Variants in PXDNL observed in about 807,000 individuals in gnomAD.
The protein encoded by PXDNL is peroxidasin like, also known as probable oxidoreductase PXDNL.
PXDNL carries 145 observed loss-of-function variants against 150.8 expected under a neutral mutation model. That is an observed-to-expected ratio of 0.96 (90% CI 0.84 to 1.10). The LOEUF (loss-of-function observed/expected upper bound fraction) is 1.10, where lower values mean the gene tolerates loss of function less well. Among genes scored for constraint, PXDNL ranks in the 50% least tolerant of loss-of-function variants. PXDNL has a pLI of 0.00. For missense variants in PXDNL, 2,087 were observed against 1,873.9 expected, an observed-to-expected ratio of 1.11 and a Z score of -2.10; for synonymous variants, 757 against 725.7, an observed-to-expected ratio of 1.04 and a Z score of -0.69.
intron 17 of PXDNL, among the ~76,000 whole-genome samples, chr8:51,378,566 C>G (rs1347619637): frequency 2.0e-5 from 3 of 152,190 alleles, no homozygotes; most frequent in Non-Finnish European, 2.9e-5. Context: ...CTCTGGGGTA[C>G]CATTCCACTC....
chr8:51,457,250 G>T (rs2129996540), intron 9 of PXDNL, among the ~76,000 whole-genome samples: 1 of 152,308 alleles, frequency 6.6e-6, no homozygotes, highest in Non-Finnish European at 1.5e-5. Context: ...ATGCTGGATA[G>T]CTGGATGGGG....
chr8:51,372,017 G>C lies in PXDNL; in HGVS notation c.3757C>G (p.Leu1253Val), dbSNP rs769306541. 4.3e-6 allele frequency: 7 copies of C among 1,612,394 alleles called. No homozygotes were observed. The Admixed American group carries it at 1.0e-4, about 23-fold the overall frequency. ...AQLTQLKQAS[L>V]SRVLCDNGDS... ...CCATTGTCACAAAGCACCCGGCTCAGGGACGCCTGCTTCAGCTGAGTGAGT... is the reference window on the plus strand; with the variant it reads ...CCATTGTCACAAAGCACCCGGCTCACGGACGCCTGCTTCAGCTGAGTGAGT... The change falls in exon 19 of 23, where the codon CTG (leucine) becomes GTG (valine). Residue 1253 changes from leucine to valine, a missense_variant. Leu to Val is a conservative substitution (Grantham distance 32). Coordinates refer to ENST00000356297, the MANE Select transcript of PXDNL (RefSeq NM_144651.5).
At chr8:51,587,827 T>C (rs974645779) in intron 3 of PXDNL, among the ~76,000 whole-genome samples, 5 of 152,202 alleles carry the variant, frequency 3.3e-5, no homozygotes, top group African/African-American at 1.2e-4. Context: ...AACAAATATT[T>C]AATGAGTAGT....
intron 17 of PXDNL, among the ~76,000 whole-genome samples, chr8:51,398,430 C>A (rs562765743): frequency 6.6e-6 from 1 of 152,328 alleles, no homozygotes; most frequent in East Asian, 1.9e-4. Context: ...ATACACAGGG[C>A]AACTGCTGCA....
At chr8:51,374,272 A>G (rs1322185313) in intron 18 of PXDNL, among the ~76,000 whole-genome samples, 1 of 152,208 alleles carries the variant, frequency 6.6e-6, no homozygotes, top group South Asian at 2.1e-4. Context: ...GTTCTGAGTG[A>G]TACATGTCTA....
At chr8:51,432,078 A>G (rs1044205117) in intron 12 of PXDNL, among the ~76,000 whole-genome samples, 8 of 152,210 alleles carry the variant, frequency 5.3e-5, no homozygotes, top group Non-Finnish European at 1.5e-5. Context: ...TACTATCATA[A>G]TGATTTTACT....
intron 12 of PXDNL, chr8:51,436,049 G>T: frequency 1.9e-6 from 1 of 527,168 alleles, no homozygotes; most frequent in Non-Finnish European, 3.9e-6. Flanking sequence ...AATAGTCATA[G>T]CCTAGCTGAA....
intron 1 of PXDNL, among the ~76,000 whole-genome samples, chr8:51,663,218 A>G (rs1005002169): frequency 6.6e-6 from 1 of 152,134 alleles, no homozygotes. Context: ...CACTGCCTCC[A>G]TTGCCCTGCC....
intron 1 of PXDNL, among the ~76,000 whole-genome samples, chr8:51,690,790 T>C (rs1373310387): frequency 1.3e-5 from 2 of 151,590 alleles, no homozygotes; most frequent in Non-Finnish European, 3.0e-5. Flanking sequence ...CCACCCACAG[T>C]GTAAAAGTGT....
At chr8:51,660,219 A>G (rs1038613091) in intron 1 of PXDNL, among the ~76,000 whole-genome samples, 3 of 152,134 alleles carry the variant, frequency 2.0e-5, no homozygotes, top group Admixed American at 6.5e-5. Context: ...TAGTGTGCGC[A>G]GTACAGATGG....
intron 4 of PXDNL, among the ~76,000 whole-genome samples, chr8:51,503,151 T>C (rs16916413): frequency 0.015 from 2,326 of 152,160 alleles, 56 homozygotes; most frequent in African/African-American, 0.052. Context: ...AATAAATCAC[T>C]GCAATCTTAG....
intron 1 of PXDNL, among the ~76,000 whole-genome samples, chr8:51,801,590 CTCTT>C (rs533066739): frequency 3.9e-4 from 60 of 152,234 alleles, no homozygotes; most frequent in African/African-American, 1.4e-3. Context: ...TGCACTCTTT[CTCTT>C]TATTTCTCAG....
chr8:51,713,031 A>G lies in PXDNL; in HGVS notation c.165-58271T>C, dbSNP rs529201083. 8.3e-4 allele frequency among the ~76,000 whole-genome samples: 127 copies of G among 152,316 alleles called. No homozygotes were observed. The South Asian group carries it at 0.012, about 14-fold the overall frequency. ...GTGAGCTAATTTTAAGATTATTTTT[A>G]TCTTTCTCCTAAAAATGTGAGTCAA... On this transcript the variant is annotated intron_variant, in intron 1 of 22. Coordinates refer to ENST00000356297, the MANE Select transcript of PXDNL (RefSeq NM_144651.5).
chr8:51,779,306 ATGATC>A (rs1563318925), intron 1 of PXDNL, among the ~76,000 whole-genome samples: 1 of 152,220 alleles, frequency 6.6e-6, no homozygotes, highest in African/African-American at 2.4e-5. Context: ...CACACATATC[ATGATC>A]TGACGGCGAG....
At chr8:51,494,307 C>A (rs1161903727) in intron 5 of PXDNL, among the ~76,000 whole-genome samples, 3 of 152,066 alleles carry the variant, frequency 2.0e-5, no homozygotes, top group Admixed American at 6.6e-5. Context: ...GAACAACCGG[C>A]ACCACCCACT....
intron 3 of PXDNL, among the ~76,000 whole-genome samples, chr8:51,568,242 C>G (rs1469168049): frequency 6.6e-6 from 1 of 151,746 alleles, no homozygotes; most frequent in Non-Finnish European, 1.5e-5. Flanking sequence ...AGTTTCAGAT[C>G]TACATCATTT....
chr8:51,361,961 A>AAAAAAAAG (rs1806763120), intron 19 of PXDNL, among the ~76,000 whole-genome samples: 1 of 148,078 alleles, frequency 6.8e-6, no homozygotes, highest in Non-Finnish European at 1.5e-5. Context: ...AAAAAAAAAA[A>AAAAAAAAG]AAAAGAAAAG....
At chr8:51,627,450 A>G (rs981650052) in intron 2 of PXDNL, among the ~76,000 whole-genome samples, 6 of 152,226 alleles carry the variant, frequency 3.9e-5, no homozygotes, top group African/African-American at 1.4e-4. Context: ...TTGAATATCA[A>G]TTATGCACTA....
At chr8:51,767,492 T>G (rs1409700533) in intron 1 of PXDNL, among the ~76,000 whole-genome samples, 2 of 152,136 alleles carry the variant, frequency 1.3e-5, no homozygotes, top group African/African-American at 4.8e-5. Flanking sequence ...TAGACAGAGA[T>G]TTCCTTAAAC....
Sources: allele counts gnomAD v4.1 joint callset (sites outside exome capture counted in the v4.1 genomes callset), GRCh38; gene constraint gnomAD v4.1.1; transcripts MANE v1.5; gene names NCBI Gene and HGNC (gene_info 2026-07-23, HGNC 2026-07-21).